Variants in OPCML observed in about 807,000 individuals in gnomAD.
The protein encoded by OPCML is opioid-binding protein/cell adhesion molecule.
A neutral mutation model predicts 37.8 loss-of-function variants in OPCML; 13 were observed. That is an observed-to-expected ratio of 0.34 (90% CI 0.22 to 0.55). The LOEUF is 0.55. Ranked by LOEUF, OPCML falls within the 20% of genes least tolerant of loss-of-function variation. OPCML has a pLI of 0.91. For missense variants in OPCML, 341 were observed against 435.6 expected (o/e 0.78, Z 1.93); for synonymous variants, 176 against 168.8 (o/e 1.04, Z -0.33).
chr11:132,927,887 T>C (rs533175108), intron 2 of OPCML, among the ~76,000 whole-genome samples: 3 of 152,198 alleles, frequency 2.0e-5, no homozygotes, highest in South Asian at 4.1e-4. Flanking sequence ...CAATTTAAAA[T>C]AGTTTTTCTA....
chr11:133,078,965 C>CT (rs1183508102), intron 1 of OPCML, among the ~76,000 whole-genome samples: 4 of 152,196 alleles, frequency 2.6e-5, no homozygotes, highest in Non-Finnish European at 4.4e-5. Context: ...CCACGTGAAT[C>CT]TTTTTTACTG....
intron 1 of OPCML, among the ~76,000 whole-genome samples, chr11:133,194,201 C>A (rs1217489551): frequency 2.1e-5 from 3 of 144,092 alleles, no homozygotes; most frequent in Non-Finnish European, 4.5e-5. Flanking sequence ...TTCCCCTTCC[C>A]CCACTTTTTT....
chr11:133,199,621 T>A (rs1461501474), intron 1 of OPCML, among the ~76,000 whole-genome samples: 1 of 152,178 alleles, frequency 6.6e-6, no homozygotes, highest in Non-Finnish European at 1.5e-5. Context: ...TACATTTTCA[T>A]CCTTCCCAAG....
chr11:132,702,742 T>C (rs1943877804), intron 2 of OPCML, among the ~76,000 whole-genome samples: 1 of 152,116 alleles, frequency 6.6e-6, no homozygotes, highest in Admixed American at 6.5e-5. Context: ...CGTAGGCTTT[T>C]TCACTCTTTT....
intron 1 of OPCML, among the ~76,000 whole-genome samples, chr11:133,157,438 T>C (rs1398121698): frequency 1.3e-5 from 2 of 152,120 alleles, no homozygotes; most frequent in Non-Finnish European, 2.9e-5. Context: ...CAAAGGGAGA[T>C]TGTTTTATAC....
chr11:132,981,187 T>C (rs1363152050), intron 1 of OPCML, among the ~76,000 whole-genome samples: 3 of 152,216 alleles, frequency 2.0e-5, no homozygotes, highest in Non-Finnish European at 4.4e-5. Context: ...TGCACAGTGC[T>C]AGGCACCAGG....
chr11:132,771,095 C>CTT (rs1340703549), intron 2 of OPCML, among the ~76,000 whole-genome samples: 4 of 152,170 alleles, frequency 2.6e-5, no homozygotes, highest in Admixed American at 2.6e-4. Context: ...GAGCAACCAA[C>CTT]TTTAACCTTG....
intron 2 of OPCML, among the ~76,000 whole-genome samples, chr11:132,713,848 A>G (rs987570252): frequency 2.0e-5 from 3 of 152,200 alleles, no homozygotes; most frequent in African/African-American, 7.2e-5. Flanking sequence ...GACGGTTGAC[A>G]TGGTATTTCC....
chr11:133,420,220 T>C (rs1441499336), intron 1 of OPCML: 1 of 980,102 alleles, frequency 1.0e-6, no homozygotes, highest in Non-Finnish European at 1.2e-6. Flanking sequence ...AGAGATCTGA[T>C]AGTTAAAACT....
At chr11:132,997,226 A>G (rs1347721882) in intron 1 of OPCML, among the ~76,000 whole-genome samples, 2 of 152,158 alleles carry the variant, frequency 1.3e-5, no homozygotes, top group African/African-American at 4.8e-5. Flanking sequence ...AGTCACACAT[A>G]TCTTGCTCCC....
chr11:132,754,538 C>A (rs1434289826), intron 2 of OPCML, among the ~76,000 whole-genome samples: 3 of 152,066 alleles, frequency 2.0e-5, no homozygotes, highest in Admixed American at 6.5e-5. Flanking sequence ...TGCCCAGTCT[C>A]AGATACATCT....
intron 2 of OPCML, among the ~76,000 whole-genome samples, chr11:132,784,536 T>C (rs1947141590): frequency 6.6e-6 from 1 of 152,078 alleles, no homozygotes; most frequent in East Asian, 1.9e-4. Context: ...AAGTAAACAG[T>C]CGCTGCTTGC....
chr11:133,294,817 T>TTC (rs1942586070), intron 1 of OPCML, among the ~76,000 whole-genome samples: 1 of 111,878 alleles, frequency 8.9e-6, no homozygotes, highest in African/African-American at 3.7e-5. Context: ...CTTTCTTTCT[T>TTC]TTTTTTTTTT....
intron 2 of OPCML, among the ~76,000 whole-genome samples, chr11:132,868,203 G>A (rs1942648187): frequency 6.6e-6 from 1 of 151,674 alleles, no homozygotes; most frequent in Admixed American, 6.6e-5. Flanking sequence ...TCATAACTGG[G>A]CAACAAGGTC....
chr11:133,474,348 A>T (rs2137012346), intron 1 of OPCML, among the ~76,000 whole-genome samples: 1 of 152,262 alleles, frequency 6.6e-6, no homozygotes, highest in South Asian at 2.1e-4. Context: ...CATGTTTCTC[A>T]TTTTTATCAG....
chr11:132,856,336 A>G (rs1179933167), intron 2 of OPCML, among the ~76,000 whole-genome samples: 1 of 152,180 alleles, frequency 6.6e-6, no homozygotes, highest in African/African-American at 2.4e-5. Flanking sequence ...AATGTAAACA[A>G]AAAGTTGAGA....
intron 2 of OPCML, among the ~76,000 whole-genome samples, chr11:132,829,350 G>T (rs1010352079): frequency 2.6e-5 from 4 of 152,176 alleles, no homozygotes; most frequent in African/African-American, 9.7e-5. Context: ...GAAACCCTCT[G>T]AGATAGAGAC....
chr11:133,238,674 A>G (rs1279672727), intron 1 of OPCML, among the ~76,000 whole-genome samples: 1 of 152,192 alleles, frequency 6.6e-6, no homozygotes, highest in Admixed American at 6.5e-5. Context: ...TCTCGGAGTC[A>G]TAAAGCAATG....
At chr11:133,506,245 C>T (rs1948029823) in intron 1 of OPCML, among the ~76,000 whole-genome samples, 1 of 152,152 alleles carries the variant, frequency 6.6e-6, no homozygotes, top group Non-Finnish European at 1.5e-5. Context: ...GAACTGAAAG[C>T]CACAGGCCTT....
Sources: gnomAD v4.1 joint callset for allele counts (sites outside exome capture counted in the v4.1 genomes callset) on GRCh38, gnomAD v4.1.1 for gene constraint, MANE v1.5 for transcripts, NCBI Gene and HGNC (gene_info 2026-07-23, HGNC 2026-07-21) for gene names.